The following ROBO1 variants were observed in gnomAD, a reference collection of about 807,000 sequenced individuals.
ROBO1 encodes the protein roundabout homolog 1.
A neutral mutation model predicts 195.9 loss-of-function variants in ROBO1; 149 were observed. That is an observed-to-expected ratio of 0.76 (90% CI 0.67 to 0.87). ROBO1 has a LOEUF of 0.87. Ranked by LOEUF, ROBO1 falls within the 40% of genes least tolerant of loss-of-function variation. ROBO1 has a pLI of 0.00. For missense variants in ROBO1, 1,933 were observed against 2,068.3 expected (o/e 0.93, Z 1.27); for synonymous variants, 816 against 733.2 (o/e 1.11, Z -1.82).
chr3:78,706,415 T>C (rs9882811), intron 8 of ROBO1, among the ~76,000 whole-genome samples: 38,487 of 152,050 alleles, frequency 0.25, 5,038 homozygotes, highest in African/African-American at 0.31. Context: ...CCTGGAGAGA[T>C]GGGAACCATG....
chr3:79,242,865 G>A (rs2108884927), intron 2 of ROBO1, among the ~76,000 whole-genome samples: 1 of 152,088 alleles, frequency 6.6e-6, no homozygotes, highest in Non-Finnish European at 1.5e-5. Context: ...AAGTTTTAGG[G>A]TACATGTGCA....
chr3:79,715,828 ACATTT>A (rs1209677729), intron 1 of ROBO1, among the ~76,000 whole-genome samples: 1 of 152,120 alleles, frequency 6.6e-6, no homozygotes, highest in Non-Finnish European at 1.5e-5. Flanking sequence ...AGACAGAATT[ACATTT>A]AAATAGAAGA....
intron 4 of ROBO1, among the ~76,000 whole-genome samples, chr3:78,776,408 C>T (rs368092138): frequency 2.9e-4 from 44 of 152,286 alleles, no homozygotes; most frequent in African/African-American, 9.9e-4. Flanking sequence ...AGCGCCACCA[C>T]ACCCAGCTAA....
At chr3:78,607,292 A>G (rs750858292) in intron 28 of ROBO1, 2 of 417,386 alleles carry the variant, frequency 4.8e-6, no homozygotes, top group Non-Finnish European at 8.6e-6. Context: ...AGCTCACTGC[A>G]GCCTTGACCT....
chr3:78,964,091 G>C (rs1012879837), intron 3 of ROBO1, among the ~76,000 whole-genome samples: 1 of 152,004 alleles, frequency 6.6e-6, no homozygotes, highest in Non-Finnish European at 1.5e-5. Context: ...GTTCCCCGGC[G>C]GCTGCTGCAT....
At position 78,597,401 on chromosome 3, in the gene ROBO1, A is replaced by G. The variant is rs1702884028; in HGVS notation, c.*1512T>C. On this transcript the variant is annotated 3_prime_UTR_variant, in exon 31 of 31. Transcript: ENST00000464233. ...TCCCTTAGTACTGCACGCCTTTTCTATGGAACTTTTTCAAATTATCTAAAT... is the reference window on the plus strand; with the variant it reads ...TCCCTTAGTACTGCACGCCTTTTCTGTGGAACTTTTTCAAATTATCTAAAT... 1 of 152,532 alleles carries G rather than the reference A, an allele frequency of 6.6e-6. No homozygotes were observed. The highest frequency in any genetic ancestry group is 2.1e-4 in the South Asian group (1 of 4,828). 9.4% of individuals were successfully genotyped at this position (152,532 alleles called of 1,614,324 possible).
chr3:78,806,148 T>A (rs2084532148), intron 4 of ROBO1, among the ~76,000 whole-genome samples: 1 of 152,034 alleles, frequency 6.6e-6, no homozygotes, highest in Non-Finnish European at 1.5e-5. Context: ...AAGTTTTATT[T>A]TTTTTTTAAG....
chr3:78,801,442 T>A (rs1481110355), intron 4 of ROBO1, among the ~76,000 whole-genome samples: 1 of 152,136 alleles, frequency 6.6e-6, no homozygotes, highest in Non-Finnish European at 1.5e-5. Context: ...AATATCAAAG[T>A]CTAAAATTCC....
At position 79,450,968 on chromosome 3, in the gene ROBO1, A is replaced by C. The variant is rs556443568; in HGVS notation, c.88+138856T>G. ...TTCTATTAATCATTTTTTTCAGATT[A>C]TTTTCCATTAGATATATTGAATTTC... On this transcript the variant is annotated intron_variant, in intron 2 of 30. Transcript: ENST00000464233. Among the ~76,000 whole-genome samples, 194 of 151,916 alleles carry C rather than the reference A, an allele frequency of 1.3e-3. 1 individual carries two copies. Among genetic ancestry groups the C allele is most frequent in the African/African-American group, 4.4e-3 (183 of 41,514 alleles).
chr3:78,812,449 A>G (rs1484558780), intron 4 of ROBO1, among the ~76,000 whole-genome samples: 1 of 152,084 alleles, frequency 6.6e-6, no homozygotes, highest in Non-Finnish European at 1.5e-5. Context: ...GATAATGGAT[A>G]CCTACAAGGC....
At chr3:79,215,765 A>G (rs932511328) in intron 2 of ROBO1, among the ~76,000 whole-genome samples, 1 of 152,218 alleles carries the variant, frequency 6.6e-6, no homozygotes, top group Non-Finnish European at 1.5e-5. Context: ...ACTTATTACA[A>G]TATTTTCCCC....
At chr3:78,754,858 C>G in intron 4 of ROBO1, among the ~76,000 whole-genome samples, 1 of 152,132 alleles carries the variant, frequency 6.6e-6, no homozygotes, top group Non-Finnish European at 1.5e-5. Flanking sequence ...TAAGGTGAAG[C>G]CTGAGTAATG....
chr3:79,434,352 A>T (rs529535826), intron 2 of ROBO1, among the ~76,000 whole-genome samples: 1 of 152,314 alleles, frequency 6.6e-6, no homozygotes, highest in South Asian at 2.1e-4. Flanking sequence ...TTTACAAAGA[A>T]CTCAAACAAA....
chr3:79,462,325 A>G (rs1469834254), intron 2 of ROBO1, among the ~76,000 whole-genome samples: 1 of 152,230 alleles, frequency 6.6e-6, no homozygotes, highest in Non-Finnish European at 1.5e-5. Flanking sequence ...CGTGCAAGTT[A>G]TATGAACTAC....
chr3:79,567,776 C>T (rs1943138273), intron 2 of ROBO1, among the ~76,000 whole-genome samples: 1 of 151,970 alleles, frequency 6.6e-6, no homozygotes, highest in East Asian at 1.9e-4. Flanking sequence ...TTGGTTCTCC[C>T]TTAATTTAAA....
intron 2 of ROBO1, among the ~76,000 whole-genome samples, chr3:79,293,362 T>TTA (rs959005391): frequency 1.4e-4 from 21 of 152,336 alleles, no homozygotes; most frequent in African/African-American, 5.1e-4. Context: ...GAAGGACTTT[T>TTA]TATATATCTA....
chr3:79,537,019 C>T (rs757327735), intron 2 of ROBO1, among the ~76,000 whole-genome samples: 3 of 137,356 alleles, frequency 2.2e-5, no homozygotes, highest in Admixed American at 2.2e-4. Flanking sequence ...AACTTATACT[C>T]ACAGTAAAAG....
In ROBO1 at chr3:78,793,350, A is replaced by G. The variant is rs147595324; in HGVS notation, c.500-46450T>C. On this transcript the variant is annotated intron_variant, in intron 4 of 30. Transcript: ENST00000464233. Reference sequence around the variant, plus strand: ...AATTAAAAGATAGCGATATCTGTCAAATTCACTAATTTGGCCTTAGAATTT... The same window carrying G: ...AATTAAAAGATAGCGATATCTGTCAGATTCACTAATTTGGCCTTAGAATTT... 5.3e-3 allele frequency among the ~76,000 whole-genome samples: 811 copies of G among 152,338 alleles called. 9 individuals carry two copies. Among genetic ancestry groups the G allele is most frequent in the African/African-American group, 0.018 (746 of 41,566 alleles).
intron 8 of ROBO1, among the ~76,000 whole-genome samples, chr3:78,707,442 A>T (rs1213173913): frequency 6.6e-6 from 1 of 152,202 alleles, no homozygotes; most frequent in Non-Finnish European, 1.5e-5. Context: ...CAAAAATAAC[A>T]ATTCTACAGA....
Sources: gnomAD v4.1 joint callset for allele counts (sites outside exome capture counted in the v4.1 genomes callset) on GRCh38, gnomAD v4.1.1 for gene constraint, MANE v1.5 for transcripts, NCBI Gene and HGNC (gene_info 2026-07-23, HGNC 2026-07-21) for gene names.